ALDH1A2: variants seen among roughly 807,000 people sequenced by gnomAD.
ALDH1A2 encodes the protein aldehyde dehydrogenase 1 family member A2.
In ALDH1A2, 27 loss-of-function variants were observed where a neutral mutation model predicts 60.3. That is an observed-to-expected ratio of 0.45 (90% CI 0.33 to 0.62). The LOEUF (loss-of-function observed/expected upper bound fraction) is 0.62, where lower values mean the gene tolerates loss of function less well. ALDH1A2 is among the 20% of genes least tolerant of loss of function. The probability of loss-of-function intolerance (pLI) is 0.02; values close to 1 mark genes in which losing one functional copy is unlikely to be tolerated. For missense variants in ALDH1A2, 581 were observed against 643.8 expected (o/e 0.90, Z 1.06); for synonymous variants, 289 against 232.4 (o/e 1.24, Z -2.21).
intron 4 of ALDH1A2, among the ~76,000 whole-genome samples, chr15:58,001,304 T>C (rs1271333905): frequency 6.6e-6 from 1 of 151,944 alleles, no homozygotes; most frequent in Non-Finnish European, 1.5e-5. Flanking sequence ...GTGAGGAAGG[T>C]GTTGGATTTA....
chr15:58,009,671 A>G (rs916190243), intron 4 of ALDH1A2, among the ~76,000 whole-genome samples: 3 of 151,684 alleles, frequency 2.0e-5, no homozygotes, highest in Non-Finnish European at 4.4e-5. Context: ...CTTTCCTATA[A>G]GGATATCTCT....
chr15:57,961,355 A>C, intron 10 of ALDH1A2, 61 bp from the exon 11 acceptor site: 3 of 1,579,822 alleles, frequency 1.9e-6, no homozygotes, highest in Non-Finnish European at 2.6e-6. Context: ...TGCTTTCCAC[A>C]TTTCAATGCA....
chr15:57,980,408 T>G, intron 7 of ALDH1A2: 2 of 368,136 alleles, frequency 5.4e-6, no homozygotes, highest in Non-Finnish European at 1.1e-5. Flanking sequence ...GTGCCACTTC[T>G]GCATGGAGTG....
intron 12 of ALDH1A2, among the ~76,000 whole-genome samples, chr15:57,955,881 C>G (rs1239339434): frequency 6.6e-6 from 1 of 152,138 alleles, no homozygotes; most frequent in Non-Finnish European, 1.5e-5. Context: ...GTTTAAATGC[C>G]TTTTTTCCCC....
chr15:58,050,505 A>G (rs1346343684), intron 1 of ALDH1A2, among the ~76,000 whole-genome samples: 1 of 152,154 alleles, frequency 6.6e-6, no homozygotes, highest in African/African-American at 2.4e-5. Context: ...ATTTCACTAA[A>G]AATCATTTAT....
At chr15:58,017,764 T>G (rs1249386831) in intron 1 of ALDH1A2, among the ~76,000 whole-genome samples, 2 of 151,104 alleles carry the variant, frequency 1.3e-5, no homozygotes, top group African/African-American at 4.9e-5. Flanking sequence ...TATTTTGCTG[T>G]TTTTTTTACC....
At chr15:58,056,607 G>T (rs1178148104) in intron 1 of ALDH1A2, among the ~76,000 whole-genome samples, 1 of 152,056 alleles carries the variant, frequency 6.6e-6, no homozygotes, top group Non-Finnish European at 1.5e-5. Context: ...ACAAGAAAAA[G>T]AAGAGGGAAA....
intron 1 of ALDH1A2, among the ~76,000 whole-genome samples, chr15:58,054,987 G>A (rs1453935993): frequency 6.6e-6 from 1 of 152,100 alleles, no homozygotes; most frequent in Non-Finnish European, 1.5e-5. Context: ...AATACTGAGT[G>A]GAATTAGACT....
intron 1 of ALDH1A2, among the ~76,000 whole-genome samples, chr15:58,060,461 A>AATTTTTTTTT (rs1566964196): frequency 8.9e-6 from 1 of 111,796 alleles, no homozygotes. Context: ...TGCCACACAT[A>AATTTTTTTTT]TCTTTTTTTT....
chr15:58,006,277 A>T (rs1895455029), intron 4 of ALDH1A2, among the ~76,000 whole-genome samples: 1 of 151,942 alleles, frequency 6.6e-6, no homozygotes, highest in Non-Finnish European at 1.5e-5. Context: ...TTGGTTTTCC[A>T]TTCCTGAGTT....
At chr15:57,962,785 A>C (rs1893770080) in intron 9 of ALDH1A2, among the ~76,000 whole-genome samples, 1 of 152,210 alleles carries the variant, frequency 6.6e-6, no homozygotes, top group South Asian at 2.1e-4. Flanking sequence ...ACAAAAACCT[A>C]CATTTACCCA....
intron 8 of ALDH1A2, 190 bp from the exon 9 acceptor site, chr15:57,964,259 T>C (rs1893824527): frequency 1.6e-6 from 1 of 609,704 alleles, no homozygotes; most frequent in African/African-American, 1.8e-5. Context: ...CTTGAACAAC[T>C]TCACTTCTTT....
chr15:57,966,670 G>A (rs1371934855), intron 7 of ALDH1A2, among the ~76,000 whole-genome samples: 2 of 152,276 alleles, frequency 1.3e-5, no homozygotes, highest in East Asian at 1.9e-4. Context: ...TGGTGGCAGG[G>A]TTTGTATAAA....
intron 1 of ALDH1A2, among the ~76,000 whole-genome samples, chr15:58,043,294 A>G (rs1203901727): frequency 2.6e-5 from 4 of 152,008 alleles, no homozygotes; most frequent in African/African-American, 9.7e-5. Flanking sequence ...GAAAGCTACT[A>G]TCAATCTAAT....
intron 1 of ALDH1A2, 39 bp from the exon 2 acceptor site, chr15:58,014,320 G>A: frequency 6.6e-7 from 1 of 1,508,558 alleles, no homozygotes. Flanking sequence ...TGTGACACAG[G>A]TGATAAGCAG....
At chr15:57,963,805 G>C (rs1332871496) in intron 9 of ALDH1A2, 80 bp downstream of exon 9, 49 of 1,466,038 alleles carry the variant, frequency 3.3e-5, no homozygotes, top group Non-Finnish European at 4.2e-5. Flanking sequence ...ATGTCGCTTT[G>C]CTGGGACCTA....
chr15:57,992,953 T>C lies in ALDH1A2; in HGVS notation c.676A>G (p.Ile226Val). 1 of 1,614,092 alleles carries C rather than the reference T, an allele frequency of 6.2e-7. No homozygotes were observed. Among genetic ancestry groups the C allele is most frequent in the Non-Finnish European group, 8.5e-7 (1 of 1,179,986 alleles). ...PLSALYMGAL[I>V]KEAGFPPGVI... ...AAGTCCGTTTCTCTTACCTCCTTGA[T>C]GAGGGCTCCCATGTAGAGTGCACTG... is the stretch of plus-strand genomic sequence containing the variant. Residue 226 changes from isoleucine (I) to valine (V), a missense_variant, in exon 6 of 13, where the codon ATC becomes GTC. By Grantham distance (29) the Ile-to-Val change is conservative. This residue lies in a region of ALDH1A2 where 375 missense variants were observed against 469.7 expected (regional missense o/e 0.80). Coordinates refer to ENST00000249750, the MANE Select transcript of ALDH1A2 (RefSeq NM_003888.4).
At chr15:58,040,460 G>T (rs529137624) in intron 1 of ALDH1A2, among the ~76,000 whole-genome samples, 1 of 151,932 alleles carries the variant, frequency 6.6e-6, no homozygotes, top group South Asian at 2.1e-4. Context: ...CGTTATGAGG[G>T]GCCCACTATG....
intron 10 of ALDH1A2, 41 bp downstream of exon 10, chr15:57,961,971 C>A (rs1893735429): frequency 6.2e-7 from 1 of 1,609,874 alleles, no homozygotes; most frequent in Admixed American, 1.7e-5. Flanking sequence ...GAAATGATCC[C>A]AAGAAAGATG....
Sources: gnomAD v4.1 joint callset for allele counts (sites outside exome capture counted in the v4.1 genomes callset) on GRCh38, gnomAD v4.1.1 for gene constraint, gnomAD v4.1.1 regional missense constraint, MANE v1.5 for transcripts, NCBI Gene and HGNC (gene_info 2026-07-23, HGNC 2026-07-21) for gene names.